Variants in TOM1L2 observed in about 807,000 individuals in gnomAD.
The protein encoded by TOM1L2 is TOM1-like protein 2.
A neutral mutation model predicts 67.9 loss-of-function variants in TOM1L2; 31 were observed. The observed-to-expected ratio is 0.46, with a 90% confidence interval of 0.34 to 0.62. TOM1L2 has a LOEUF of 0.62. Among genes scored for constraint, TOM1L2 ranks in the 20% least tolerant of loss-of-function variants. The pLI, the probability that TOM1L2 is intolerant of heterozygous loss-of-function variation, is 0.01. For missense variants in TOM1L2, 606 were observed against 663.5 expected (o/e 0.91, Z 0.95); for synonymous variants, 256 against 254.0 (o/e 1.01, Z -0.07).
At chr17:17,880,256 A>T (rs1489615895) in intron 6 of TOM1L2, among the ~76,000 whole-genome samples, 1 of 152,202 alleles carries the variant, frequency 6.6e-6, no homozygotes, top group African/African-American at 2.4e-5. Context: ...CAGTGTCAAT[A>T]GCACTTTTCT....
At chr17:17,926,485 T>C (rs1237947369) in intron 1 of TOM1L2, among the ~76,000 whole-genome samples, 2 of 152,146 alleles carry the variant, frequency 1.3e-5, no homozygotes, top group East Asian at 3.8e-4. Flanking sequence ...TTCTAGATCA[T>C]CTGGGAAATT....
intron 1 of TOM1L2, among the ~76,000 whole-genome samples, chr17:17,907,835 G>C (rs2039166410): frequency 6.6e-6 from 1 of 152,212 alleles, no homozygotes; most frequent in African/African-American, 2.4e-5. Flanking sequence ...AGAGTCTGGA[G>C]CCAAACTACC....
At chr17:17,939,512 T>C (rs1411058940) in intron 1 of TOM1L2, among the ~76,000 whole-genome samples, 1 of 152,222 alleles carries the variant, frequency 6.6e-6, no homozygotes, top group Non-Finnish European at 1.5e-5. Flanking sequence ...TAGAGATACA[T>C]ATTGAAATAT....
At chr17:17,906,119 GTCTTC>G (rs1178361628) in intron 2 of TOM1L2, among the ~76,000 whole-genome samples, 6 of 138,262 alleles carry the variant, frequency 4.3e-5, no homozygotes, top group African/African-American at 8.6e-5. Flanking sequence ...CTGTTGTTTT[GTCTTC>G]TCTTTTCATT....
intron 3 of TOM1L2, 125 bp from the exon 4 acceptor site, chr17:17,893,935 G>A (rs2038423971): frequency 5.3e-6 from 5 of 946,134 alleles, no homozygotes; most frequent in East Asian, 5.2e-5. Context: ...TTTCTGACAC[G>A]TCTCCTCCAG....
chr17:17,940,468 C>A (rs907188605), intron 1 of TOM1L2, among the ~76,000 whole-genome samples: 3 of 152,124 alleles, frequency 2.0e-5, no homozygotes, highest in Non-Finnish European at 4.4e-5. Flanking sequence ...GTCAGCACTG[C>A]CCCCACCCAG....
chr17:17,881,858 C>G (rs911081491), intron 6 of TOM1L2, among the ~76,000 whole-genome samples: 1 of 152,222 alleles, frequency 6.6e-6, no homozygotes, highest in African/African-American at 2.4e-5. Context: ...ACATTGCTAT[C>G]CCTACACACA....
At chr17:17,894,903 C>T (rs2144240387) in intron 3 of TOM1L2, among the ~76,000 whole-genome samples, 1 of 152,236 alleles carries the variant, frequency 6.6e-6, no homozygotes, top group Non-Finnish European at 1.5e-5. Context: ...TGCACTCCAG[C>T]TCAGGCAACA....
rs60749449 is a variant in TOM1L2, at chr17:17,964,516, C to T, written c.52+7746G>A. On this transcript the variant is annotated intron_variant, in intron 1 of 14. Coordinates refer to ENST00000379504, the MANE Select transcript of TOM1L2 (RefSeq NM_001082968.2). Reference sequence around the variant, plus strand: ...AAGCATCTCAACAAATTTGTGAGGACGCACATTGTGGAGATTTTTTTCTCC... The same window carrying T: ...AAGCATCTCAACAAATTTGTGAGGATGCACATTGTGGAGATTTTTTTCTCC... Among the ~76,000 whole-genome samples, 47 of 152,302 alleles carry T rather than the reference C, an allele frequency of 3.1e-4. 2 individuals carry two copies. The East Asian group carries it at 6.4e-3, about 21-fold the overall frequency.
chr17:17,883,566 C>T (rs549061061), intron 5 of TOM1L2, among the ~76,000 whole-genome samples: 1 of 152,264 alleles, frequency 6.6e-6, no homozygotes, highest in African/African-American at 2.4e-5. Flanking sequence ...AACCCTGTCT[C>T]TACTAAAAAT....
intron 1 of TOM1L2, among the ~76,000 whole-genome samples, chr17:17,915,350 C>A (rs1051558119): frequency 4.6e-5 from 7 of 152,120 alleles, no homozygotes; most frequent in African/African-American, 1.7e-4. Flanking sequence ...ACCACCAATT[C>A]AATGATGGGA....
In TOM1L2 at chr17:17,844,144, C is replaced by T. The variant is rs1352139080; in HGVS notation, c.*3491G>A. On this transcript the variant is annotated 3_prime_UTR_variant, in exon 15 of 15. Transcript: ENST00000379504. ...CAAGTGCTCCTCCACACTGCTCTTCCAGAGCTGCCCCAGGGGCTGGCCTGG... is the reference window on the plus strand; with the variant it reads ...CAAGTGCTCCTCCACACTGCTCTTCTAGAGCTGCCCCAGGGGCTGGCCTGG... 1 of 152,462 alleles carries T rather than the reference C, an allele frequency of 6.6e-6. No homozygotes were observed. The highest frequency in any genetic ancestry group is 2.4e-5 in the African/African-American group (1 of 41,470). 9.4% of individuals were successfully genotyped at this position (152,462 alleles called of 1,614,324 possible). A position where few individuals can be genotyped will look rare whatever the true frequency, so the allele number is the denominator to read the frequency against.
chr17:17,912,452 T>G (rs1278011381), intron 1 of TOM1L2, among the ~76,000 whole-genome samples: 4 of 130,328 alleles, frequency 3.1e-5, no homozygotes. Flanking sequence ...AGGCAGAGGG[T>G]CTCCTCACTT....
At position 17,861,486 on chromosome 17, in the gene TOM1L2, C is replaced by T; in HGVS notation, c.1268G>A (p.Ser423Asn). 6.2e-7 allele frequency: 1 copy of T among 1,614,062 alleles called. No homozygotes were observed. Residue 423 changes from serine (S) to asparagine (N), a missense_variant, in exon 12 of 15, where the codon AGT (serine) becomes AAT (asparagine). Coordinates refer to ENST00000379504, the MANE Select transcript of TOM1L2 (RefSeq NM_001082968.2). ...LASALDNRKQ[S>N]SEGIPVAQPS... The stretch of plus-strand genomic sequence containing the variant: ...GGGTTAAAGACCTACCCCTTCTGAA[C>T]TCTGTTTTCGATTGTCTAGTGCAGA...
At chr17:17,893,198 T>C (rs1220871857) in intron 4 of TOM1L2, among the ~76,000 whole-genome samples, 1 of 152,202 alleles carries the variant, frequency 6.6e-6, no homozygotes, top group Non-Finnish European at 1.5e-5. Flanking sequence ...TCCCACTGAC[T>C]TTTCCACCAA....
intron 12 of TOM1L2, among the ~76,000 whole-genome samples, chr17:17,852,864 TAAAA>T (rs552138706): frequency 1.9e-4 from 7 of 37,754 alleles, no homozygotes; most frequent in Admixed American, 6.2e-4. Context: ...AAACTCTGTC[TAAAA>T]AAAAAAAAAA....
intron 6 of TOM1L2, among the ~76,000 whole-genome samples, chr17:17,882,042 A>G (rs2037753142): frequency 6.6e-6 from 1 of 152,174 alleles, no homozygotes; most frequent in Non-Finnish European, 1.5e-5. Flanking sequence ...AGCACTCCCC[A>G]ATTCATCTAA....
At position 17,874,258 on chromosome 17, in the gene TOM1L2, C is replaced by T. The variant is rs143654934; in HGVS notation, c.778-4785G>A. Among the ~76,000 whole-genome samples, 732 of 150,600 alleles carry T rather than the reference C, an allele frequency of 4.9e-3. 13 individuals carry two copies. The East Asian group carries it at 0.065, about 13-fold the overall frequency. On this transcript the variant is annotated intron_variant, in intron 7 of 14. Coordinates refer to ENST00000379504, the MANE Select transcript of TOM1L2 (RefSeq NM_001082968.2). ...CGTGAGCCACCACGCCCAGCCATTA[C>T]TTATTTATTTATTTATTTATTTAAT...
At chr17:17,935,576 A>G (rs981737049) in intron 1 of TOM1L2, among the ~76,000 whole-genome samples, 3 of 152,132 alleles carry the variant, frequency 2.0e-5, no homozygotes, top group Non-Finnish European at 4.4e-5. Context: ...GGACTGGAGA[A>G]AGCAGAGGAT....
Sources: gnomAD v4.1 joint callset for allele counts (sites outside exome capture counted in the v4.1 genomes callset) on GRCh38, gnomAD v4.1.1 for gene constraint, MANE v1.5 for transcripts, NCBI Gene and HGNC (gene_info 2026-07-23, HGNC 2026-07-21) for gene names.